The following PNPLA1 variants were observed in gnomAD, a reference collection of about 807,000 sequenced individuals.
PNPLA1 encodes patatin like domain 1, omega-hydroxyceramide transacylase.
A neutral mutation model predicts 51.7 loss-of-function variants in PNPLA1; 36 were observed. That is an observed-to-expected ratio of 0.70 (90% CI 0.53 to 0.92). PNPLA1 has a LOEUF of 0.92. Among genes scored for constraint, PNPLA1 ranks in the 40% least tolerant of loss-of-function variants. The probability of loss-of-function intolerance (pLI) is 0.00; values close to 1 mark genes in which losing one functional copy is unlikely to be tolerated. For synonymous variants in PNPLA1, 293 were observed against 280.1 expected, an observed-to-expected ratio of 1.05 and a Z score of -0.46; for missense variants, 658 against 682.5, an observed-to-expected ratio of 0.96 and a Z score of 0.40.
At chr6:36,271,819 C>G (rs542736955) in intron 1 of PNPLA1, among the ~76,000 whole-genome samples, 3 of 152,312 alleles carry the variant, frequency 2.0e-5, no homozygotes, top group East Asian at 3.9e-4. Flanking sequence ...GGAGCACAGA[C>G]GGCTGTGACA....
Position 36,294,132 on chromosome 6 carries a change from C to A in PNPLA1, c.505-58C>A. 6.3e-7 allele frequency: 1 copy of A among 1,593,464 alleles called. No homozygotes were observed. The highest frequency in any genetic ancestry group is 8.6e-7 in the Non-Finnish European group (1 of 1,166,780). ...TATCCCATGGGCCATTTCGATGTAC[C>A]CCGAGTGGGGCTGAGAACTCTGGCC... On this transcript the variant is annotated intron_variant, in intron 3 of 8. Coordinates refer to ENST00000636260, the MANE Select transcript of PNPLA1 (RefSeq NM_001374623.1). This position sits in a 1 kb window ranked among gnomAD's most constrained non-coding sequence, Gnocchi z 4.2.
intron 1 of PNPLA1, among the ~76,000 whole-genome samples, chr6:36,273,579 T>C (rs1769992681): frequency 6.6e-6 from 1 of 151,482 alleles, no homozygotes; most frequent in African/African-American, 2.4e-5. Flanking sequence ...TTACCCTCAC[T>C]CTTCTGTCTT....
In PNPLA1 at chr6:36,294,541, C is replaced by A; in HGVS notation, c.714+142C>A. On this transcript the variant is annotated intron_variant, in intron 4 of 8. Transcript: ENST00000636260. This position sits in a 1 kb window ranked among gnomAD's most constrained non-coding sequence, Gnocchi z 4.2. ...TTTAAACTTCCTCCTAGACCTGCAT[C>A]CTGGCCTTGCTGCTAACTAGCTATG... The A allele has an allele frequency of 2.7e-6, 2 of 733,926 alleles. No homozygotes were observed. The highest frequency in any genetic ancestry group is 4.4e-6 in the Non-Finnish European group (2 of 451,464). 45.5% of individuals were successfully genotyped at this position (733,926 alleles called of 1,614,324 possible). A position where few individuals can be genotyped will look rare whatever the true frequency, so the allele number is the denominator to read the frequency against.
chr6:36,295,419 G>A lies in PNPLA1; in HGVS notation c.770G>A (p.Arg257Gln), dbSNP rs1173263480. The A allele has an allele frequency of 6.2e-6, 10 of 1,614,072 alleles. No homozygotes were observed. The highest frequency in any genetic ancestry group is 1.3e-5 in the African/African-American group (1 of 74,914). ...GYEDAVLYLR[R>Q]LNAVYLNSSS... The stretch of plus-strand genomic sequence containing the variant: ...GAGGATGCAGTTTTGTACTTGAGGC[G>A]GCTGAGTAAGTACCGGTGGGGCCCC... Residue 257 changes from arginine to glutamine, a missense_variant, in exon 5 of 9, where the codon CGG becomes CAG. Arg to Gln is a conservative substitution (Grantham distance 43). Transcript: ENST00000636260.
intron 2 of PNPLA1, among the ~76,000 whole-genome samples, chr6:36,292,446 C>G (rs1440296737): frequency 6.6e-6 from 1 of 152,090 alleles, no homozygotes; most frequent in East Asian, 1.9e-4. Context: ...CCTAGCAAAC[C>G]ACACACAAGC....
chr6:36,292,691 C>T (rs1770725966), intron 2 of PNPLA1, among the ~76,000 whole-genome samples: 1 of 152,242 alleles, frequency 6.6e-6, no homozygotes, highest in African/African-American at 2.4e-5. Context: ...TCATAGGGCA[C>T]TCCCAAAGGT....
At chr6:36,298,920 G>C (rs1184010633) in intron 5 of PNPLA1, among the ~76,000 whole-genome samples, 1 of 152,162 alleles carries the variant, frequency 6.6e-6, no homozygotes, top group Admixed American at 6.5e-5. Context: ...TGTATTTTTA[G>C]TAGAGACAGG....
In PNPLA1 at chr6:36,270,321, G is replaced by A. The variant is rs1250225713; in HGVS notation, c.-139G>A. 2.3e-6 allele frequency: 2 copies of A among 867,010 alleles called. No homozygotes were observed. The highest frequency in any genetic ancestry group is 3.6e-6 in the Non-Finnish European group (2 of 548,192). The allele number at this position is 867,010 out of a possible 1,614,324, so 53.7% of individuals were successfully genotyped here. A position where few individuals can be genotyped will look rare whatever the true frequency, so the allele number is the denominator to read the frequency against. ...AGCAGCCTGTGGTTGCTCCAGCCGG[G>A]TAGAGACAGCCACATTCCAAGCTCC... On this transcript the variant is annotated 5_prime_UTR_variant, in exon 1 of 9. Coordinates refer to ENST00000636260, the MANE Select transcript of PNPLA1 (RefSeq NM_001374623.1).
At chr6:36,307,554 A>G (rs1214866785) in intron 7 of PNPLA1, 33 bp from the exon 8 acceptor site, 9 of 1,609,666 alleles carry the variant, frequency 5.6e-6, no homozygotes, top group African/African-American at 1.3e-5. Flanking sequence ...GGTCAGGCCC[A>G]TAATGAACCA....
chr6:36,289,243 G>A (rs770153020), intron 1 of PNPLA1, among the ~76,000 whole-genome samples: 4 of 152,104 alleles, frequency 2.6e-5, no homozygotes, highest in Admixed American at 6.5e-5. Flanking sequence ...GAGATCAGGC[G>A]TTCCTGGCTC....
At chr6:36,276,432 T>C (rs1443067782) in intron 1 of PNPLA1, among the ~76,000 whole-genome samples, 1 of 152,190 alleles carries the variant, frequency 6.6e-6, no homozygotes, top group African/African-American at 2.4e-5. Context: ...CATGAAAATG[T>C]TGTAAAAGCA....
Position 36,307,713 on chromosome 6 carries a change from G to C in PNPLA1, c.1595+1G>C. On this transcript the variant is annotated splice_donor_variant, in intron 8 of 8. Coordinates refer to ENST00000636260, the MANE Select transcript of PNPLA1 (RefSeq NM_001374623.1). LOFTEE classifies it high-confidence loss of function. ...CCAAAAAACCAAGCAGCAAAGTGCA[G>C]TGAGCATGTCTAATGTTCCTTAAAT... 6.2e-7 allele frequency: 1 copy of C among 1,613,836 alleles called. No individual in the cohort carries two copies. The highest frequency in any genetic ancestry group is 8.5e-7 in the Non-Finnish European group (1 of 1,179,816).
chr6:36,276,422 C>T (rs965833561), intron 1 of PNPLA1, among the ~76,000 whole-genome samples: 3 of 152,158 alleles, frequency 2.0e-5, no homozygotes, highest in Non-Finnish European at 4.4e-5. Flanking sequence ...GTTCAAGGCA[C>T]ATGAAAATGT....
upstream of PNPLA1, among the ~76,000 whole-genome samples, chr6:36,266,241 G>A (rs967933203): frequency 2.6e-5 from 4 of 152,226 alleles, no homozygotes; most frequent in African/African-American, 9.6e-5. Flanking sequence ...AGAACCACCT[G>A]CTAAGCCACT....
At position 36,312,603 on chromosome 6, in the gene PNPLA1, C is replaced by A. The variant is rs952588095; in HGVS notation, c.*717C>A. On this transcript the variant is annotated 3_prime_UTR_variant, in exon 9 of 9. Coordinates refer to ENST00000636260, the MANE Select transcript of PNPLA1 (RefSeq NM_001374623.1). ...GAACGGGAGCTGGAACGGGAGAGAA[C>A]CTGAGGACCCTGAGGCCAAGCCTGC... Among the ~76,000 whole-genome samples, 1 of 152,168 alleles carries A rather than the reference C, an allele frequency of 6.6e-6. No individual in the cohort carries two copies. Among genetic ancestry groups the A allele is most frequent in the Non-Finnish European group, 1.5e-5 (1 of 68,030 alleles).
chr6:36,294,135 G>A lies in PNPLA1; in HGVS notation c.505-55G>A, dbSNP rs201213297. ...CCCATGGGCCATTTCGATGTACCCC[G>A]AGTGGGGCTGAGAACTCTGGCCCCA... is the stretch of plus-strand genomic sequence containing the variant. On this transcript the variant is annotated intron_variant, in intron 3 of 8. Coordinates refer to ENST00000636260, the MANE Select transcript of PNPLA1 (RefSeq NM_001374623.1). The surrounding 1 kb of genome is among the most constrained non-coding windows in gnomAD (Gnocchi z 4.2). 4.3e-4 allele frequency: 683 copies of A among 1,594,700 alleles called. 5 individuals are homozygous for A. Among genetic ancestry groups the A allele is most frequent in the Middle Eastern group, 3.8e-3 (23 of 5,992 alleles).
chr6:36,310,168 G>T (rs1771356883), intron 8 of PNPLA1, among the ~76,000 whole-genome samples: 1 of 152,150 alleles, frequency 6.6e-6, no homozygotes, highest in South Asian at 2.1e-4. Flanking sequence ...TCTTTCATGG[G>T]CCTATGTGTT....
intron 1 of PNPLA1, among the ~76,000 whole-genome samples, chr6:36,276,922 T>C (rs930881013): frequency 6.6e-6 from 1 of 152,232 alleles, no homozygotes; most frequent in Non-Finnish European, 1.5e-5. Context: ...CAAACAGTTA[T>C]AATACAAGAA....
At chr6:36,293,525 C>T (rs543368918) in intron 3 of PNPLA1, among the ~76,000 whole-genome samples, 11 of 152,314 alleles carry the variant, frequency 7.2e-5, no homozygotes, top group Non-Finnish European at 1.2e-4. Flanking sequence ...CTCGGGGTCT[C>T]GTAAAATTAT....
Sources: gnomAD v4.1 joint callset for allele counts (sites outside exome capture counted in the v4.1 genomes callset) on GRCh38, gnomAD v4.1.1 for gene constraint, Gnocchi (gnomAD v3.1) non-coding constraint, MANE v1.5 for transcripts, NCBI Gene and HGNC (gene_info 2026-07-23, HGNC 2026-07-21) for gene names.